The following METTL24 variants were observed in gnomAD, a reference collection of about 807,000 sequenced individuals.
The protein encoded by METTL24 is probable methyltransferase-like protein 24.
A neutral mutation model predicts 32.7 loss-of-function variants in METTL24; 29 were observed. That is an observed-to-expected ratio of 0.89 (90% CI 0.66 to 1.21). METTL24 has a LOEUF of 1.21. Ranked by LOEUF, METTL24 falls within the 50% of genes most tolerant of loss-of-function variation. METTL24 has a pLI of 0.00. For missense variants in METTL24, 439 were observed against 468.1 expected (o/e 0.94, Z 0.57); for synonymous variants, 163 against 179.5 (o/e 0.91, Z 0.73).
intron 2 of METTL24, among the ~76,000 whole-genome samples, chr6:110,315,944 T>C (rs1465946981): frequency 1.3e-5 from 2 of 152,204 alleles, no homozygotes; most frequent in Non-Finnish European, 2.9e-5. Flanking sequence ...TGAGGCACAA[T>C]GATAGGCATA....
chr6:110,339,351 A>G (rs551504839), intron 1 of METTL24, among the ~76,000 whole-genome samples: 1 of 152,374 alleles, frequency 6.6e-6, no homozygotes, highest in African/African-American at 2.4e-5. Context: ...TTAATTGAAA[A>G]TTAGGTAAAC....
At chr6:110,262,805 C>T (rs1176223809) in intron 4 of METTL24, among the ~76,000 whole-genome samples, 1 of 152,190 alleles carries the variant, frequency 6.6e-6, no homozygotes, top group Admixed American at 6.5e-5. Flanking sequence ...GGATGCAAGG[C>T]TGGTTCAACA....
At chr6:110,295,648 T>C (rs888941594) in intron 4 of METTL24, among the ~76,000 whole-genome samples, 8 of 152,200 alleles carry the variant, frequency 5.3e-5, no homozygotes, top group Non-Finnish European at 7.3e-5. Flanking sequence ...CAGCAAACAA[T>C]AGTTCTCTAC....
At chr6:110,337,528 T>G (rs938789766) in intron 1 of METTL24, among the ~76,000 whole-genome samples, 4 of 152,192 alleles carry the variant, frequency 2.6e-5, no homozygotes, top group African/African-American at 9.6e-5. Flanking sequence ...AGAGATTGAA[T>G]GGTAGGCTAG....
chr6:110,257,960 T>C (rs1297457964), intron 4 of METTL24, among the ~76,000 whole-genome samples: 2 of 152,222 alleles, frequency 1.3e-5, no homozygotes, highest in Non-Finnish European at 2.9e-5. Context: ...ATAAGCACTT[T>C]TCTAAGAACA....
chr6:110,313,521 T>C (rs1771763254), intron 3 of METTL24, among the ~76,000 whole-genome samples: 1 of 152,242 alleles, frequency 6.6e-6, no homozygotes. Flanking sequence ...AGTTTGATTT[T>C]ACTCAGTTAT....
chr6:110,295,196 A>T (rs2114728489), intron 4 of METTL24, among the ~76,000 whole-genome samples: 1 of 151,304 alleles, frequency 6.6e-6, no homozygotes, highest in South Asian at 2.1e-4. Context: ...CTAATTTTTT[A>T]AATCTTATGC....
chr6:110,252,597 A>G (rs1562215808), intron 4 of METTL24, among the ~76,000 whole-genome samples: 1 of 152,186 alleles, frequency 6.6e-6, no homozygotes, highest in Non-Finnish European at 1.5e-5. Flanking sequence ...CACTATCTCC[A>G]TAAGCATTTT....
chr6:110,322,314 C>T (rs558977996), intron 2 of METTL24, among the ~76,000 whole-genome samples: 21 of 152,312 alleles, frequency 1.4e-4, no homozygotes, highest in Middle Eastern at 3.4e-3. Context: ...GCCTGCAAAG[C>T]CTCCTCTGCT....
chr6:110,285,426 G>A (rs958454477), intron 4 of METTL24, among the ~76,000 whole-genome samples: 3 of 152,000 alleles, frequency 2.0e-5, no homozygotes, highest in African/African-American at 4.8e-5. Context: ...AACTATGATC[G>A]CCTTTTCCCA....
At position 110,246,095 on chromosome 6, in the gene METTL24, A is replaced by C; in HGVS notation, c.952T>G (p.Tyr318Asp). Reference sequence around the variant, plus strand: ...TGTTCTAACTCTTTGAGAAGGCTGTACCAGAACCGCACAACGCTGCTGTCA... The same window carrying C: ...TGTTCTAACTCTTTGAGAAGGCTGTCCCAGAACCGCACAACGCTGCTGTCA... ...GSDSSVVRFW[Y>D]SLLKELEQKD... The change falls in exon 5 of 5, where the codon TAC becomes GAC. Residue 318 changes from tyrosine to aspartate, a missense_variant. Transcript: ENST00000338882. The C allele has an allele frequency of 6.2e-7, 1 of 1,614,196 alleles. No homozygotes were observed. The highest frequency in any genetic ancestry group is 8.5e-7 in the Non-Finnish European group (1 of 1,180,036).
chr6:110,319,898 T>A (rs1334641952), intron 2 of METTL24, among the ~76,000 whole-genome samples: 1 of 152,174 alleles, frequency 6.6e-6, no homozygotes, highest in East Asian at 1.9e-4. Flanking sequence ...CTATGCCCTA[T>A]GCCTCTGCTC....
chr6:110,299,795 C>T (rs6926029), intron 3 of METTL24, among the ~76,000 whole-genome samples: 35,700 of 151,952 alleles, frequency 0.23, 6,821 homozygotes, highest in African/African-American at 0.53. Context: ...GCACACCATA[C>T]GGAAAATAAT....
At chr6:110,259,960 T>C in intron 4 of METTL24, among the ~76,000 whole-genome samples, 1 of 152,062 alleles carries the variant, frequency 6.6e-6, no homozygotes, top group East Asian at 1.9e-4. Flanking sequence ...CAAAACCCCA[T>C]CTGTACGTCA....
intron 4 of METTL24, among the ~76,000 whole-genome samples, chr6:110,263,951 A>C (rs1388995792): frequency 6.6e-6 from 1 of 152,196 alleles, no homozygotes; most frequent in Non-Finnish European, 1.5e-5. Context: ...CCTTCCTTAG[A>C]CCTTATACAA....
chr6:110,264,438 G>A (rs1770814929), intron 4 of METTL24, among the ~76,000 whole-genome samples: 1 of 152,154 alleles, frequency 6.6e-6, no homozygotes, highest in Non-Finnish European at 1.5e-5. Flanking sequence ...TCTCACACCA[G>A]TTAGAATGGC....
chr6:110,270,837 C>CTTTTTTTTTTTT (rs3075091), intron 4 of METTL24, among the ~76,000 whole-genome samples: 1 of 124,728 alleles, frequency 8.0e-6, no homozygotes. Context: ...CATCTTGATT[C>CTTTTTTTTTTTT]TTTTTTTTTT....
intron 1 of METTL24, among the ~76,000 whole-genome samples, chr6:110,349,656 T>C (rs1056539455): frequency 6.6e-6 from 1 of 152,204 alleles, no homozygotes; most frequent in Non-Finnish European, 1.5e-5. Context: ...GTTATTATCT[T>C]GTCAGGGAAA....
rs978209804 is a variant in METTL24 at position 110,305,710 on chromosome 6, G to A, written c.558-6560C>T. Among the ~76,000 whole-genome samples the A allele has an allele frequency of 5.3e-5, 8 of 151,970 alleles. No homozygotes were observed. In the East Asian group the frequency reaches 7.7e-4, roughly 15 times the overall value. ...GGAGAGGATGTGGTGAAATAGGAAC[G>A]CTTTTACACTGTTGGTGGGAGTGTA... On this transcript the variant is annotated intron_variant, in intron 3 of 4. Coordinates refer to ENST00000338882, the MANE Select transcript of METTL24 (RefSeq NM_001123364.3).
Sources: gnomAD v4.1 joint callset for allele counts (sites outside exome capture counted in the v4.1 genomes callset) on GRCh38, gnomAD v4.1.1 for gene constraint, MANE v1.5 for transcripts, NCBI Gene and HGNC (gene_info 2026-07-23, HGNC 2026-07-21) for gene names.